SHTN1: variants seen among roughly 807,000 people sequenced by gnomAD.
SHTN1 encodes the protein shootin 1.
A neutral mutation model predicts 83.1 loss-of-function variants in SHTN1; 42 were observed. The observed-to-expected ratio is 0.51, with a 90% CI of 0.39 to 0.65. SHTN1 has a LOEUF of 0.65. Ranked by LOEUF, SHTN1 falls within the 30% of genes least tolerant of loss-of-function variation. The pLI, the probability that SHTN1 is intolerant of heterozygous loss-of-function variation, is 0.00. For synonymous variants in SHTN1, 224 were observed against 247.7 expected (o/e 0.90, Z 0.90); for missense variants, 622 against 737.8 (o/e 0.84, Z 1.82).
upstream of SHTN1, among the ~76,000 whole-genome samples, chr10:117,009,951 C>G (rs1852079236): frequency 6.6e-6 from 1 of 151,528 alleles, no homozygotes; most frequent in South Asian, 2.1e-4. Context: ...GAAGACAGTG[C>G]TCAGAGAGAA....
At chr10:116,939,771 C>T (rs996033628) in intron 9 of SHTN1, among the ~76,000 whole-genome samples, 3 of 152,224 alleles carry the variant, frequency 2.0e-5, no homozygotes, top group Admixed American at 1.3e-4. Context: ...AACAGCCTTT[C>T]CTTCCCAAAT....
chr10:116,899,926 A>G (rs1847671733), intron 16 of SHTN1, among the ~76,000 whole-genome samples: 1 of 152,160 alleles, frequency 6.6e-6, no homozygotes, highest in Admixed American at 6.5e-5. Flanking sequence ...GATTCTGACA[A>G]ATGATACAAA....
At chr10:117,036,017 A>C (rs1852491692) in intron 2 of SHTN1, among the ~76,000 whole-genome samples, 1 of 152,004 alleles carries the variant, frequency 6.6e-6, no homozygotes, top group African/African-American at 2.4e-5. Context: ...ACAAATGTCA[A>C]ATAGGCATAT....
intron 2 of SHTN1, among the ~76,000 whole-genome samples, chr10:117,022,524 C>CAATATGCAATATGCAAT: frequency 6.6e-6 from 1 of 151,638 alleles, no homozygotes; most frequent in Admixed American, 6.6e-5. Context: ...TGCAATATGC[C>CAATATGCAATATGCAAT]ATGAAAAAAA....
At chr10:116,998,175 G>C (rs1461556103) in intron 1 of SHTN1, among the ~76,000 whole-genome samples, 1 of 152,202 alleles carries the variant, frequency 6.6e-6, no homozygotes, top group Non-Finnish European at 1.5e-5. Context: ...CTGCATGGGA[G>C]ATTTGTCTTT....
intron 2 of SHTN1, among the ~76,000 whole-genome samples, chr10:117,029,888 CTCTT>C (rs1324189341): frequency 1.1e-5 from 1 of 93,652 alleles, no homozygotes; most frequent in Admixed American, 1.8e-4. Context: ...CTGTCTCTCT[CTCTT>C]TCTTTTTTTT....
At chr10:116,953,932 G>C (rs1849881864) in intron 5 of SHTN1, 110 bp downstream of exon 5, 2 of 921,904 alleles carry the variant, frequency 2.2e-6, no homozygotes, top group African/African-American at 3.4e-5. Context: ...CCCTGCCTAG[G>C]CATCAGTATT....
At chr10:116,901,001 G>C (rs1847711902) in intron 16 of SHTN1, 2 of 985,374 alleles carry the variant, frequency 2.0e-6, no homozygotes, top group Non-Finnish European at 2.4e-6. Context: ...CAAAAAAGGG[G>C]TTCTTTCTCT....
At chr10:117,017,569 C>T (rs886664120) in intron 2 of SHTN1, among the ~76,000 whole-genome samples, 7 of 151,392 alleles carry the variant, frequency 4.6e-5, no homozygotes, top group African/African-American at 1.7e-4. Flanking sequence ...TCCATGAGTT[C>T]ATACTGATAT....
At chr10:117,031,661 G>A (rs184969224) in intron 2 of SHTN1, among the ~76,000 whole-genome samples, 1 of 152,114 alleles carries the variant, frequency 6.6e-6, no homozygotes, top group East Asian at 1.9e-4. Flanking sequence ...ATGCAAACAG[G>A]GTTAAGTTGT....
intron 1 of SHTN1, among the ~76,000 whole-genome samples, chr10:117,078,897 T>A (rs1167482384): frequency 6.6e-6 from 1 of 152,146 alleles, no homozygotes; most frequent in Non-Finnish European, 1.5e-5. Flanking sequence ...TGGGCAGAGT[T>A]GTTTATAATA....
rs1431733140 is a variant in SHTN1, at chr10:116,885,244, A to G, written c.*1100T>C. On this transcript the variant is annotated 3_prime_UTR_variant, in exon 17 of 17. Transcript: ENST00000355371. ...AACTAAACCTTTCACTTTCTTTAAT[A>G]GTAAAATTACCATTACTGAATCATT... 1 of 152,662 alleles carries G rather than the reference A, an allele frequency of 6.6e-6. No homozygotes were observed. The highest frequency in any genetic ancestry group is 1.9e-4 in the East Asian group (1 of 5,196). The allele number at this position is 152,662 out of a possible 1,614,324, so 9.5% of individuals were successfully genotyped here.
upstream of SHTN1, among the ~76,000 whole-genome samples, chr10:117,009,039 CAGG>C (rs1417708862): frequency 6.6e-6 from 1 of 152,072 alleles, no homozygotes; most frequent in East Asian, 1.9e-4. Context: ...CACTTGAACT[CAGG>C]AGGAGGAGGT....
At chr10:116,942,248 T>C (rs549915763) in intron 8 of SHTN1, among the ~76,000 whole-genome samples, 2 of 151,932 alleles carry the variant, frequency 1.3e-5, no homozygotes, top group South Asian at 4.2e-4. Flanking sequence ...AGTCTCGCTC[T>C]GGCACCCAGG....
At chr10:116,931,663 C>A (rs1564883203) in intron 9 of SHTN1, among the ~76,000 whole-genome samples, 1 of 152,042 alleles carries the variant, frequency 6.6e-6, no homozygotes, top group Non-Finnish European at 1.5e-5. Flanking sequence ...ACTTTTAAAT[C>A]ACATAGCTTA....
At chr10:116,900,701 A>G (rs972075085) in intron 16 of SHTN1, 1 of 984,882 alleles carries the variant, frequency 1.0e-6, no homozygotes. Flanking sequence ...AATAGGAAAG[A>G]TGGAGAATGA....
At chr10:117,030,471 G>A (rs1304747887) in intron 2 of SHTN1, among the ~76,000 whole-genome samples, 16 of 151,970 alleles carry the variant, frequency 1.1e-4, no homozygotes, top group Admixed American at 1.0e-3. Context: ...CAAGTATCAA[G>A]ACCATCCAGG....
chr10:117,099,740 C>G (rs980107635), intron 1 of SHTN1, among the ~76,000 whole-genome samples: 1 of 152,168 alleles, frequency 6.6e-6, no homozygotes, highest in Non-Finnish European at 1.5e-5. Context: ...TTGAATTAAA[C>G]TTTATTGACC....
intron 1 of SHTN1, among the ~76,000 whole-genome samples, chr10:117,092,265 T>C (rs1853441614): frequency 6.6e-6 from 1 of 152,210 alleles, no homozygotes; most frequent in South Asian, 2.1e-4. Context: ...ACATAATAGG[T>C]TAGGTTATAA....
Sources: gnomAD v4.1 joint callset for allele counts (sites outside exome capture counted in the v4.1 genomes callset) on GRCh38, gnomAD v4.1.1 for gene constraint, MANE v1.5 for transcripts, NCBI Gene and HGNC (gene_info 2026-07-23, HGNC 2026-07-21) for gene names.